The following DMD variants were observed in gnomAD, a reference collection of about 807,000 sequenced individuals.
DMD encodes the protein dystrophin, also known as mutant dystrophin.
A neutral mutation model predicts 330.1 loss-of-function variants in DMD; 63 were observed. The observed-to-expected ratio is 0.19, with a 90% confidence interval of 0.16 to 0.24. The LOEUF is 0.24. Ranked by LOEUF, DMD falls within the 10% of genes least tolerant of loss-of-function variation. The pLI, the probability that DMD is intolerant of heterozygous loss-of-function variation, is 1.00. For synonymous variants in DMD, 1,223 were observed against 959.8 expected, an observed-to-expected ratio of 1.27 and a Z score of -5.07; for missense variants, 3,344 against 2,684.1, an observed-to-expected ratio of 1.25 and a Z score of -5.43.
At chrX:32,552,106 GA>G (rs766815179) in intron 16 of DMD, among the ~76,000 whole-genome samples, 117 of 111,793 alleles carry the variant, frequency 1.0e-3, no homozygotes, top group African/African-American at 3.7e-3. Flanking sequence ...ATTCTTCACT[GA>G]ATAAGAAAAA....
intron 74 of DMD, among the ~76,000 whole-genome samples, chrX:31,161,140 T>C (rs112424967): frequency 0.025 from 2,832 of 111,644 alleles, 35 homozygotes; most frequent in South Asian, 0.044. Context: ...CAGCTATTTT[T>C]GTTATTATTA....
At chrX:32,771,433 A>C (rs777868845) in intron 7 of DMD, among the ~76,000 whole-genome samples, 4 of 110,872 alleles carry the variant, frequency 3.6e-5, no homozygotes, top group African/African-American at 1.3e-4. Context: ...GTAGATTTCT[A>C]AAGTTTTCAG....
At chrX:31,757,801 T>C (rs1192153454) in intron 51 of DMD, among the ~76,000 whole-genome samples, 1 of 110,246 alleles carries the variant, frequency 9.1e-6, no homozygotes, top group Non-Finnish European at 1.9e-5. Context: ...AGCAGCCCCC[T>C]TATGGAAATT....
intron 7 of DMD, among the ~76,000 whole-genome samples, chrX:32,737,097 A>T (rs190920817): frequency 8.3e-4 from 92 of 110,418 alleles, no homozygotes; most frequent in African/African-American, 2.9e-3. Context: ...ATCTTTACCA[A>T]AAAATAAAAA....
intron 55 of DMD, among the ~76,000 whole-genome samples, chrX:31,569,573 G>T (rs74493945): frequency 1.1e-5 from 1 of 87,291 alleles, no homozygotes; most frequent in African/African-American, 4.1e-5. Flanking sequence ...ATATATATGT[G>T]TATATATATA....
At chrX:32,769,156 C>G (rs887372526) in intron 7 of DMD, among the ~76,000 whole-genome samples, 1 of 112,520 alleles carries the variant, frequency 8.9e-6, no homozygotes, top group Non-Finnish European at 1.9e-5. Flanking sequence ...CATTTTCACA[C>G]TGCTGATAAA....
At chrX:32,809,436 A>G (rs1382862358) in intron 7 of DMD, 57 bp downstream of exon 7, 1 of 986,313 alleles carries the variant, frequency 1.0e-6, no homozygotes, top group African/African-American at 1.9e-5. Flanking sequence ...CAAGTCTCAG[A>G]TGAAAACATT....
chrX:33,099,746 A>T (rs1049150616), intron 1 of DMD, among the ~76,000 whole-genome samples: 23 of 111,908 alleles, frequency 2.1e-4, no homozygotes, highest in African/African-American at 7.1e-4. Context: ...CATCTTGCCC[A>T]TTAAAGGCAA....
chrX:31,421,357 T>C (rs2063350432), intron 60 of DMD, among the ~76,000 whole-genome samples: 1 of 112,305 alleles, frequency 8.9e-6, no homozygotes, highest in Non-Finnish European at 1.9e-5. Context: ...TAAGACTAGT[T>C]TCTAGTCTAC....
At position 33,105,258 on chromosome X, in the gene DMD, A is replaced by G. The variant is rs1025378515; in HGVS notation, c.32-85058T>C. Among the ~76,000 whole-genome samples, 4 of 111,767 alleles carry G rather than the reference A, an allele frequency of 3.6e-5. No homozygotes were observed. The Middle Eastern group carries it at 0.019, about 525-fold the overall frequency. The stretch of plus-strand genomic sequence containing the variant: ...GAATGAAACTGGATCCCTATCTCCT[A>G]CCATATACAAAAATTAGCTCAAGGA... On this transcript the variant is annotated intron_variant, in intron 1 of 78. Coordinates refer to ENST00000357033, the MANE Select transcript of DMD (RefSeq NM_004006.3).
At chrX:32,949,965 CAA>C (rs201823049) in intron 2 of DMD, among the ~76,000 whole-genome samples, 2,269 of 74,277 alleles carry the variant, frequency 0.031, 52 homozygotes, top group Middle Eastern at 0.081. Context: ...GGTGCAGAGG[CAA>C]AAAAAAAAAA....
chrX:32,382,453 G>A lies in DMD; in HGVS notation c.4675-1773C>T, dbSNP rs1411367311. 2.7e-5 allele frequency among the ~76,000 whole-genome samples: 3 copies of A among 111,174 alleles called. No homozygotes were observed. The East Asian group carries it at 8.4e-4, about 31-fold the overall frequency. Reference sequence around the variant, plus strand: ...CACAAAAGATAAAAATATGTATAAAGCATCTAAAATGCTACAATCGAAATA... The same window carrying A: ...CACAAAAGATAAAAATATGTATAAAACATCTAAAATGCTACAATCGAAATA... On this transcript the variant is annotated intron_variant, in intron 33 of 78. Coordinates refer to ENST00000357033, the MANE Select transcript of DMD (RefSeq NM_004006.3).
chrX:32,216,893 G>T (rs770753331), intron 44 of DMD, 23 bp downstream of exon 44: 1 of 1,198,013 alleles, frequency 8.3e-7, no homozygotes, highest in East Asian at 3.0e-5. Flanking sequence ...ATACAATTTC[G>T]AAAAAACAAA....
chrX:32,698,044 A>AC (rs981033227), intron 8 of DMD, 46 bp from the exon 9 acceptor site: 2 of 1,142,040 alleles, frequency 1.8e-6, no homozygotes, highest in African/African-American at 3.7e-5. Context: ...AGGGGGAAAA[A>AC]CCATAAGTAA....
At chrX:31,906,754 T>C (rs1224392245) in intron 47 of DMD, among the ~76,000 whole-genome samples, 2 of 112,036 alleles carry the variant, frequency 1.8e-5, no homozygotes, top group Non-Finnish European at 3.8e-5. Context: ...TGAAATTCCT[T>C]GACTAGACTA....
intron 17 of DMD, among the ~76,000 whole-genome samples, chrX:32,522,301 G>A (rs2046510394): frequency 9.0e-6 from 1 of 111,426 alleles, no homozygotes; most frequent in Non-Finnish European, 1.9e-5. Context: ...CTTGGCCTCT[G>A]GGCAGTATTT....
intron 9 of DMD, among the ~76,000 whole-genome samples, chrX:32,695,136 T>C (rs2063554567): frequency 8.9e-6 from 1 of 112,499 alleles, no homozygotes; most frequent in Non-Finnish European, 1.9e-5. Flanking sequence ...AATGTATGAA[T>C]ACTGCTCTAT....
At chrX:31,143,869 T>C (rs1328901197) in intron 76 of DMD, among the ~76,000 whole-genome samples, 1 of 111,976 alleles carries the variant, frequency 8.9e-6, no homozygotes, top group Non-Finnish European at 1.9e-5. Context: ...AATCCTGAAG[T>C]AGAAAAAAAT....
At chrX:32,572,818 G>A (rs1259094857) in intron 15 of DMD, among the ~76,000 whole-genome samples, 1 of 111,094 alleles carries the variant, frequency 9.0e-6, no homozygotes, top group African/African-American at 3.3e-5. Flanking sequence ...GCTCATGAGG[G>A]CGGATGTCTC....
Sources: gnomAD v4.1 joint callset for allele counts (sites outside exome capture counted in the v4.1 genomes callset) on GRCh38, gnomAD v4.1.1 for gene constraint, MANE v1.5 for transcripts, NCBI Gene and HGNC (gene_info 2026-07-23, HGNC 2026-07-21) for gene names.